Variants in ECE2 observed in about 807,000 individuals in gnomAD.
ECE2 encodes the protein endothelin-converting enzyme 2.
In ECE2, 81 loss-of-function variants were observed where a neutral mutation model predicts 100.6. The observed-to-expected ratio is 0.81, with a 90% confidence interval of 0.67 to 0.97. ECE2 has a LOEUF of 0.97. Among genes scored for constraint, ECE2 ranks in the 50% least tolerant of loss-of-function variants. ECE2 has a pLI of 0.00. For missense variants in ECE2, 911 were observed against 988.1 expected, an observed-to-expected ratio of 0.92 and a Z score of 1.05; for synonymous variants, 391 against 391.5, an observed-to-expected ratio of 1.00 and a Z score of 0.02.
chr3:184,276,575 A>G lies in ECE2; in HGVS notation c.126+8A>G, dbSNP rs1720562271. 1.0e-5 allele frequency: 16 copies of G among 1,605,990 alleles called. No individual in the cohort carries two copies. Among genetic ancestry groups the G allele is most frequent in the Non-Finnish European group, 1.4e-5 (16 of 1,177,030 alleles). On this transcript the variant is annotated splice_region_variant and intron_variant, in intron 2 of 18. Coordinates refer to ENST00000404464, the MANE Select transcript of ECE2 (RefSeq NM_001100121.2). Reference sequence around the variant, plus strand: ...TCCCCGGACGCCATGGAGGTGGGCAAGGGGGCTTCCCCTTTCTCACCAGGC... The same window carrying G: ...TCCCCGGACGCCATGGAGGTGGGCAGGGGGGCTTCCCCTTTCTCACCAGGC...
Position 184,291,978 on chromosome 3 carries a change from G to A in ECE2, c.2122-84G>A. The A allele has an allele frequency of 6.7e-7, 1 of 1,482,674 alleles. No individual in the cohort carries two copies. The highest frequency in any genetic ancestry group is 9.1e-7 in the Non-Finnish European group (1 of 1,093,356). 91.8% of individuals were successfully genotyped at this position (1,482,674 alleles called of 1,614,324 possible). On this transcript the variant is annotated intron_variant, in intron 18 of 18. Transcript: ENST00000404464. This position sits in a 1 kb window ranked among gnomAD's most constrained non-coding sequence, Gnocchi z 4.1. ...GGAGGGGCTGCAGCGGTGGTGGTTTGTGCCCCTGGGATGGCTGTAGCTGAC... is the reference window on the plus strand; with the variant it reads ...GGAGGGGCTGCAGCGGTGGTGGTTTATGCCCCTGGGATGGCTGTAGCTGAC...
chr3:184,284,924 C>T (rs765320269), intron 8 of ECE2, 39 bp from the exon 9 acceptor site: 9 of 1,600,500 alleles, frequency 5.6e-6, no homozygotes, highest in African/African-American at 5.4e-5. Flanking sequence ...CTGCTGGAAG[C>T]GAGTCGGGCA....
intron 7 of ECE2, among the ~76,000 whole-genome samples, chr3:184,280,394 T>C (rs962575524): frequency 6.6e-6 from 1 of 152,196 alleles, no homozygotes; most frequent in Non-Finnish European, 1.5e-5. Context: ...ATGTGGCAGA[T>C]GCTCAATCAG....
Position 184,283,671 on chromosome 3 carries a change from G to T in ECE2, c.817-114G>T, listed in dbSNP as rs140218849. On this transcript the variant is annotated intron_variant, in intron 7 of 18. Coordinates refer to ENST00000404464, the MANE Select transcript of ECE2 (RefSeq NM_001100121.2). Reference sequence around the variant, plus strand: ...AGAAATGAAACAGGTCATCCAGAAAGGCTTCCAGAAGGATCAAGCAGAAGA... The same window carrying T: ...AGAAATGAAACAGGTCATCCAGAAATGCTTCCAGAAGGATCAAGCAGAAGA... 2.1e-4 allele frequency: 224 copies of T among 1,067,348 alleles called. No individual in the cohort carries two copies. The African/African-American group carries it at 3.2e-3, about 15-fold the overall frequency. 66.1% of individuals were successfully genotyped at this position (1,067,348 alleles called of 1,614,324 possible).
At chr3:184,279,309 C>CAAAAAAAAAAA (rs60647349) in intron 7 of ECE2, among the ~76,000 whole-genome samples, 3 of 79,054 alleles carry the variant, frequency 3.8e-5, no homozygotes, top group African/African-American at 9.6e-5. Flanking sequence ...GACTCCGACT[C>CAAAAAAAAAAA]AAAAAAAAAA....
intron 3 of ECE2, 103 bp from the exon 4 acceptor site, chr3:184,277,148 T>C (rs1271702820): frequency 1.2e-6 from 2 of 1,601,940 alleles, no homozygotes; most frequent in Non-Finnish European, 1.7e-6. Context: ...CGGCTTTGCT[T>C]TCTCTTCCCA....
intron 3 of ECE2, 45 bp from the exon 4 acceptor site, chr3:184,277,198 CCAGACAGA>C: frequency 6.2e-7 from 1 of 1,611,082 alleles, no homozygotes; most frequent in Non-Finnish European, 8.5e-7. Context: ...TTTGCCTCTT[CCAGACAGA>C]CAGACTGACA....
In ECE2 at chr3:184,278,164, T is replaced by A. The variant is rs370286156; in HGVS notation, c.604-3T>A. On this transcript the variant is annotated splice_polypyrimidine_tract_variant and splice_region_variant and intron_variant, in intron 5 of 18. Transcript: ENST00000404464. ...AATCATTCCACTTATGGTCTCTACA[T>A]AGATTGGTGGTTGGAACATTACGGG... 8.7e-6 allele frequency: 14 copies of A among 1,613,920 alleles called. No homozygotes were observed. The highest frequency in any genetic ancestry group is 8.0e-5 in the African/African-American group (6 of 74,916).
In ECE2 at chr3:184,278,148, ACTTATGGT is replaced by A; in HGVS notation, c.604-16_604-9del. The A allele has an allele frequency of 6.2e-7, 1 of 1,613,882 alleles. No individual in the cohort carries two copies. Among genetic ancestry groups the A allele is most frequent in the Non-Finnish European group, 8.5e-7 (1 of 1,179,940 alleles). ...TGGGAGCTCCTGCACTAATCATTCC[ACTTATGGT>A]CTCTACATAGATTGGTGGTTGGAAC... is the stretch of plus-strand genomic sequence containing the variant. On this transcript the variant is annotated splice_polypyrimidine_tract_variant and intron_variant, in intron 5 of 18. Coordinates refer to ENST00000404464, the MANE Select transcript of ECE2 (RefSeq NM_001100121.2).
At position 184,289,026 on chromosome 3, in the gene ECE2, G is replaced by C. The variant is rs1289354661; in HGVS notation, c.1375-411G>C. On this transcript the variant is annotated intron_variant, in intron 11 of 18. Transcript: ENST00000404464. This position sits in a 1 kb window ranked among gnomAD's most constrained non-coding sequence, Gnocchi z 4.1. ...AAAAATTACCCGGGCATGATGGCGG[G>C]AGCCTGTAATCCTAGCTACTTGGGA... Among the ~76,000 whole-genome samples, 5 of 151,942 alleles carry C rather than the reference G, an allele frequency of 3.3e-5. No individual in the cohort carries two copies. Among genetic ancestry groups the C allele is most frequent in the Non-Finnish European group, 5.9e-5 (4 of 68,012 alleles).
At chr3:184,288,384 C>T (rs1358530171) in intron 11 of ECE2, among the ~76,000 whole-genome samples, 2 of 150,762 alleles carry the variant, frequency 1.3e-5, no homozygotes. Context: ...TGAAGTAGTG[C>T]TGCTTTGGGC....
chr3:184,276,055 A>G lies in ECE2; in HGVS notation c.-99A>G. Reference sequence around the variant, plus strand: ...GCGGGGGTGCTGCGCGGCGGCCGTGATGGCTGGTGACGGCGGGGCCGGGCA... The same window carrying G: ...GCGGGGGTGCTGCGCGGCGGCCGTGGTGGCTGGTGACGGCGGGGCCGGGCA... On this transcript the variant is annotated 5_prime_UTR_variant, in exon 1 of 19. An upstream start codon of the reference 5' UTR is lost. Transcript: ENST00000404464. 2.6e-6 allele frequency: 3 copies of G among 1,161,234 alleles called. No individual in the cohort carries two copies. The highest frequency in any genetic ancestry group is 3.2e-6 in the Non-Finnish European group (3 of 939,998). The allele number at this position is 1,161,234 out of a possible 1,614,324, so 71.9% of individuals were successfully genotyped here.
intron 8 of ECE2, among the ~76,000 whole-genome samples, 168 bp from the exon 9 acceptor site, chr3:184,284,795 T>C (rs1016261497): frequency 2.0e-5 from 3 of 152,118 alleles, no homozygotes; most frequent in African/African-American, 4.8e-5. Flanking sequence ...GGCTCCCAGA[T>C]TGGAGGTGTC....
In ECE2 at chr3:184,290,302, C is replaced by T. The variant is rs1721250329; in HGVS notation, c.1599C>T (p.Tyr533=). 4 of 1,613,970 alleles carry T rather than the reference C, an allele frequency of 2.5e-6. No homozygotes were observed. Among genetic ancestry groups the T allele is most frequent in the Non-Finnish European group, 2.5e-6 (3 of 1,180,004 alleles). Reference sequence around the variant, plus strand: ...TCTTCCAAAACATGTTGAATTTGTACAACTTCTCTGCCAAGGTTATGGCTG... The same window carrying T: ...TCTTCCAAAACATGTTGAATTTGTATAACTTCTCTGCCAAGGTTATGGCTG... ...DSFFQNMLNL[Y]NFSAKVMADQ... Residue 533 remains tyrosine, a synonymous_variant, in exon 14 of 19, where the codon TAC becomes TAT. Transcript: ENST00000404464.
intron 7 of ECE2, among the ~76,000 whole-genome samples, chr3:184,283,080 G>A (rs1720873414): frequency 6.6e-6 from 1 of 152,118 alleles, no homozygotes; most frequent in Non-Finnish European, 1.5e-5. Flanking sequence ...CAACTAGCAG[G>A]GATCTAGGAA....
intron 10 of ECE2, among the ~76,000 whole-genome samples, chr3:184,287,188 A>G (rs1424743015): frequency 6.6e-6 from 1 of 151,488 alleles, no homozygotes; most frequent in East Asian, 1.9e-4. Context: ...AGGCAGGAGA[A>G]TGGCGTGAAC....
Position 184,291,560 on chromosome 3 carries a change from A to G in ECE2, c.2121+121A>G. The G allele has an allele frequency of 2.9e-6, 3 of 1,026,080 alleles. No individual in the cohort carries two copies. The highest frequency in any genetic ancestry group is 2.7e-6 in the Non-Finnish European group (2 of 728,832). The allele number at this position is 1,026,080 out of a possible 1,614,324, so 63.6% of individuals were successfully genotyped here. On this transcript the variant is annotated intron_variant, in intron 18 of 18. Transcript: ENST00000404464. This position sits in a 1 kb window ranked among gnomAD's most constrained non-coding sequence, Gnocchi z 4.1. The stretch of plus-strand genomic sequence containing the variant: ...TGGTGAATGGGGCTGAGGCTGGGGC[A>G]TGAAAGGTGGGCTGGGAAGGCCCAT...
At chr3:184,276,446 C>T (rs1720552386) in intron 1 of ECE2, 35 bp from the exon 2 acceptor site, 1 of 1,585,736 alleles carries the variant, frequency 6.3e-7, no homozygotes, top group East Asian at 2.3e-5. Flanking sequence ...GCCCTCTCTG[C>T]CTGACCTCGG....
intron 7 of ECE2, among the ~76,000 whole-genome samples, chr3:184,283,299 G>T (rs911374889): frequency 2.6e-5 from 4 of 152,040 alleles, no homozygotes; most frequent in Non-Finnish European, 5.9e-5. Context: ...AGTGGCTCAT[G>T]CCTGTAATCC....
Sources: allele counts gnomAD v4.1 joint callset (sites outside exome capture counted in the v4.1 genomes callset), GRCh38; gene constraint gnomAD v4.1.1; non-coding constraint Gnocchi (gnomAD v3.1); transcripts MANE v1.5; gene names NCBI Gene and HGNC (gene_info 2026-07-23, HGNC 2026-07-21).